LRP1B: variants seen among roughly 807,000 people sequenced by gnomAD.
The protein encoded by LRP1B is low-density lipoprotein receptor-related protein 1B.
In LRP1B, 217 loss-of-function variants were observed where a neutral mutation model predicts 556.6. The observed-to-expected ratio is 0.39, with a 90% CI of 0.35 to 0.44. LRP1B has a LOEUF of 0.44. Ranked by LOEUF, LRP1B falls within the 20% of genes least tolerant of loss-of-function variation. The probability of loss-of-function intolerance (pLI) is 1.00; values close to 1 mark genes in which losing one functional copy is unlikely to be tolerated. For synonymous variants in LRP1B, 2,047 were observed against 1,865.8 expected (o/e 1.10, Z -2.50); for missense variants, 5,053 against 5,620.8 (o/e 0.90, Z 3.23).
intron 1 of LRP1B, among the ~76,000 whole-genome samples, chr2:141,926,490 A>G (rs1201513381): frequency 6.6e-6 from 1 of 152,136 alleles, no homozygotes; most frequent in East Asian, 1.9e-4. Flanking sequence ...AAACAAACAA[A>G]ATAATAACCC....
At chr2:141,076,037 T>A (rs1168704722) in intron 7 of LRP1B, among the ~76,000 whole-genome samples, 1 of 152,228 alleles carries the variant, frequency 6.6e-6, no homozygotes, top group African/African-American at 2.4e-5. Flanking sequence ...CAGTGCTCAC[T>A]GTCCTTGCTG....
At chr2:140,573,656 A>G (rs981651981) in intron 43 of LRP1B, among the ~76,000 whole-genome samples, 6 of 152,024 alleles carry the variant, frequency 3.9e-5, no homozygotes, top group African/African-American at 1.4e-4. Flanking sequence ...CAGTTCTCCT[A>G]TGCTGAAAAA....
chr2:141,892,185 T>C (rs557900863), intron 1 of LRP1B, among the ~76,000 whole-genome samples: 6 of 151,874 alleles, frequency 4.0e-5, no homozygotes, highest in African/African-American at 1.4e-4. Flanking sequence ...AGGGATCAAA[T>C]ACAAAACAAG....
intron 1 of LRP1B, among the ~76,000 whole-genome samples, chr2:142,070,089 C>T (rs1008737778): frequency 1.3e-5 from 2 of 151,772 alleles, no homozygotes; most frequent in African/African-American, 2.4e-5. Context: ...TTAAATGTAA[C>T]ACATTCCACA....
chr2:140,433,708 A>G (rs16843951), intron 66 of LRP1B, among the ~76,000 whole-genome samples: 1,808 of 152,276 alleles, frequency 0.012, 30 homozygotes, highest in African/African-American at 0.041. Flanking sequence ...CAGAGACCTG[A>G]TTGCCTGAGT....
chr2:141,717,752 T>G (rs1480618486), intron 2 of LRP1B, among the ~76,000 whole-genome samples: 2 of 152,218 alleles, frequency 1.3e-5, no homozygotes, highest in African/African-American at 2.4e-5. Flanking sequence ...AAGAATACAG[T>G]CTACTGCTGC....
chr2:140,400,410 C>A (rs1684441674), intron 66 of LRP1B, among the ~76,000 whole-genome samples: 1 of 152,156 alleles, frequency 6.6e-6, no homozygotes, highest in Non-Finnish European at 1.5e-5. Flanking sequence ...TAGCAACATA[C>A]CTGATAATGT....
chr2:141,648,311 G>GA (rs1432819707), intron 2 of LRP1B, among the ~76,000 whole-genome samples: 1 of 152,084 alleles, frequency 6.6e-6, no homozygotes, highest in African/African-American at 2.4e-5. Flanking sequence ...TCATTGATTA[G>GA]AAAAAACATA....
chr2:141,388,114 C>T (rs758677137), intron 3 of LRP1B, among the ~76,000 whole-genome samples: 4 of 152,044 alleles, frequency 2.6e-5, no homozygotes, highest in Non-Finnish European at 5.9e-5. Context: ...TGAGGAAAAG[C>T]ACTTGTCAAA....
intron 77 of LRP1B, among the ~76,000 whole-genome samples, chr2:140,342,292 AT>A (rs1429068299): frequency 6.6e-6 from 1 of 151,346 alleles, no homozygotes; most frequent in African/African-American, 2.4e-5. Flanking sequence ...AAAACCATGT[AT>A]TTCTTACTAT....
At chr2:141,792,765 C>A (rs141233295) in intron 2 of LRP1B, among the ~76,000 whole-genome samples, 27 of 151,934 alleles carry the variant, frequency 1.8e-4, no homozygotes, top group African/African-American at 6.0e-4. Flanking sequence ...CCACAGGGAA[C>A]GAATAGTGTA....
At chr2:141,591,843 G>A (rs1226265571) in intron 2 of LRP1B, among the ~76,000 whole-genome samples, 4 of 151,756 alleles carry the variant, frequency 2.6e-5, no homozygotes, top group African/African-American at 9.7e-5. Flanking sequence ...ATAGCCAGCT[G>A]TTATTTAGCC....
chr2:141,081,657 G>A (rs1417900847), intron 7 of LRP1B, among the ~76,000 whole-genome samples: 5 of 151,864 alleles, frequency 3.3e-5, no homozygotes, highest in African/African-American at 1.2e-4. Flanking sequence ...ATAGCTTGGT[G>A]AGTATCATTT....
intron 3 of LRP1B, among the ~76,000 whole-genome samples, chr2:141,461,225 G>A (rs1423753610): frequency 6.6e-6 from 1 of 152,174 alleles, no homozygotes; most frequent in East Asian, 1.9e-4. Context: ...CCAAGAGACT[G>A]TGGTGGTTTC....
At chr2:141,467,075 T>TAC (rs1437975464) in intron 3 of LRP1B, among the ~76,000 whole-genome samples, 8 of 119,750 alleles carry the variant, frequency 6.7e-5, no homozygotes, top group Admixed American at 3.5e-4. Context: ...AGGATATATA[T>TAC]ATACACACAC....
intron 1 of LRP1B, among the ~76,000 whole-genome samples, chr2:141,970,801 A>C (rs1037339315): frequency 6.6e-6 from 1 of 151,534 alleles, no homozygotes; most frequent in Non-Finnish European, 1.5e-5. Context: ...GAAAGAAGAA[A>C]AAGTGAAGTT....
At chr2:141,259,068 G>C (rs1261748032) in intron 3 of LRP1B, among the ~76,000 whole-genome samples, 3 of 152,170 alleles carry the variant, frequency 2.0e-5, no homozygotes, top group African/African-American at 7.2e-5. Flanking sequence ...CAAGGTAACA[G>C]TTTACAAGTA....
At chr2:140,297,773 A>T (rs2105000187) in intron 84 of LRP1B, 35 bp downstream of exon 84, 1 of 1,568,968 alleles carries the variant, frequency 6.4e-7, no homozygotes, top group Non-Finnish European at 8.7e-7. Flanking sequence ...TAACATAAAC[A>T]TCAAAGCTGG....
intron 2 of LRP1B, among the ~76,000 whole-genome samples, chr2:141,634,440 T>C (rs1395651192): frequency 6.6e-6 from 1 of 151,990 alleles, no homozygotes; most frequent in Non-Finnish European, 1.5e-5. Flanking sequence ...CATTGTTTTG[T>C]AGATGAAAAA....
Sources: gnomAD v4.1 joint callset for allele counts (sites outside exome capture counted in the v4.1 genomes callset) on GRCh38, gnomAD v4.1.1 for gene constraint, MANE v1.5 for transcripts, NCBI Gene and HGNC (gene_info 2026-07-23, HGNC 2026-07-21) for gene names.